The following DPP6 variants were observed in gnomAD, a reference collection of about 807,000 sequenced individuals.
DPP6 encodes A-type potassium channel modulatory protein DPP6.
In DPP6, 69 loss-of-function variants were observed where a neutral mutation model predicts 122.6. That is an observed-to-expected ratio of 0.56 (90% CI 0.46 to 0.69). The LOEUF is 0.69. DPP6 is among the 30% of genes least tolerant of loss of function. The probability of loss-of-function intolerance (pLI) is 0.00; values close to 1 mark genes in which losing one functional copy is unlikely to be tolerated. For synonymous variants in DPP6, 418 were observed against 433.1 expected, an observed-to-expected ratio of 0.97 and a Z score of 0.43; for missense variants, 928 against 1,116.9, an observed-to-expected ratio of 0.83 and a Z score of 2.41.
chr7:153,871,245 A>G, the DPP6 span, among the ~76,000 whole-genome samples: 1 of 152,204 alleles, frequency 6.6e-6, no homozygotes, highest in Non-Finnish European at 1.5e-5. Flanking sequence ...CCCTGCCCCC[A>G]GAGGTGGAGC....
chr7:154,834,407 C>G (rs919106858), intron 16 of DPP6, among the ~76,000 whole-genome samples: 10 of 151,862 alleles, frequency 6.6e-5, no homozygotes, highest in Non-Finnish European at 1.5e-4. Flanking sequence ...ACCCAGGAGG[C>G]GGAGGTTGCA....
At position 154,529,216 on chromosome 7, in the gene DPP6, G is replaced by C. The variant is rs115931411; in HGVS notation, c.458-11316G>C. ...AGGCTTCAAGAGGAAGAATGGGCAA[G>C]TCAGGAAATAATCCAGAGAGGGGAT... is the stretch of plus-strand genomic sequence containing the variant. On this transcript the variant is annotated intron_variant, in intron 3 of 25. Coordinates refer to ENST00000377770, the MANE Select transcript of DPP6 (RefSeq NM_130797.4). Among the ~76,000 whole-genome samples, 849 of 152,292 alleles carry C rather than the reference G, an allele frequency of 5.6e-3. 8 individuals carry two copies. Among genetic ancestry groups the C allele is most frequent in the African/African-American group, 0.019 (796 of 41,566 alleles).
chr7:154,872,484 C>A (rs960828706), intron 18 of DPP6, 140 bp from the exon 19 acceptor site: 16 of 1,359,666 alleles, frequency 1.2e-5, no homozygotes, highest in South Asian at 4.5e-5. Context: ...AGGATGAAAA[C>A]CCTGGGCCAG....
In DPP6 at chr7:154,100,865, C is replaced by T. The variant is rs1380551426; in HGVS notation, c.243+47802C>T. 1.4e-5 allele frequency among the ~76,000 whole-genome samples: 2 copies of T among 142,288 alleles called. 1 individual carries two copies. The highest frequency in any genetic ancestry group is 3.1e-5 in the Non-Finnish European group (2 of 64,224). The allele number at this position is 142,288 out of a possible 152,430, so 93.3% of individuals were successfully genotyped here. The stretch of plus-strand genomic sequence containing the variant: ...TTCCCTTCTGTCTGCACTTGCTGAT[C>T]AACAAAAAGCCTGCTGGGCCTTTAA... On this transcript the variant is annotated intron_variant, in intron 1 of 25. Transcript: ENST00000377770.
At chr7:154,391,112 C>A (rs1814576728) in intron 1 of DPP6, among the ~76,000 whole-genome samples, 1 of 152,184 alleles carries the variant, frequency 6.6e-6, no homozygotes, top group African/African-American at 2.4e-5. Flanking sequence ...CTGGAAATAT[C>A]ACAGATTACC....
intron 5 of DPP6, among the ~76,000 whole-genome samples, chr7:154,632,923 A>G (rs772590912): frequency 4.6e-5 from 7 of 152,246 alleles, no homozygotes; most frequent in Non-Finnish European, 1.0e-4. Context: ...CAAATCCTCA[A>G]CTGCTTTCTA....
the DPP6 span, among the ~76,000 whole-genome samples, chr7:153,847,660 G>C: frequency 1.5e-3 from 233 of 152,276 alleles, no homozygotes; most frequent in African/African-American, 4.9e-3. Flanking sequence ...AATTTTAGCA[G>C]ACACTCCAAA....
At chr7:154,543,399 T>G (rs1828887733) in intron 4 of DPP6, among the ~76,000 whole-genome samples, 1 of 152,182 alleles carries the variant, frequency 6.6e-6, no homozygotes, top group African/African-American at 2.4e-5. Flanking sequence ...AAAGCCTGTT[T>G]GCCTCCAGCT....
At chr7:153,908,372 C>T (rs914246568) in intron 1 of DPP6, among the ~76,000 whole-genome samples, 1 of 152,048 alleles carries the variant, frequency 6.6e-6, no homozygotes, top group Non-Finnish European at 1.5e-5. Context: ...CAGACCACAG[C>T]TGGATAGGAA....
intron 1 of DPP6, among the ~76,000 whole-genome samples, chr7:154,294,151 T>A (rs1188919809): frequency 1.3e-5 from 2 of 152,208 alleles, no homozygotes; most frequent in African/African-American, 4.8e-5. Flanking sequence ...ACCTGGTCCC[T>A]GCCACGGAGA....
intron 1 of DPP6, among the ~76,000 whole-genome samples, chr7:154,166,100 C>T (rs538474703): frequency 1.3e-5 from 2 of 152,228 alleles, no homozygotes; most frequent in Non-Finnish European, 2.9e-5. Flanking sequence ...TGCTTCCTCA[C>T]TGGGATGTGG....
At chr7:154,709,593 T>TTC (rs1056231208) in intron 7 of DPP6, among the ~76,000 whole-genome samples, 1 of 151,592 alleles carries the variant, frequency 6.6e-6, no homozygotes, top group Non-Finnish European at 1.5e-5. Flanking sequence ...TTTCTTTTTT[T>TTC]TTTTTTTCAA....
chr7:154,852,473 G>GCCTCTCCT, intron 16 of DPP6, among the ~76,000 whole-genome samples: 1 of 150,152 alleles, frequency 6.7e-6, no homozygotes, highest in South Asian at 2.1e-4. Context: ...AGGCTCTCCT[G>GCCTCTCCT]GCTCTCCTGC....
At chr7:154,884,810 T>C (rs1257593390) in intron 21 of DPP6, 1 of 152,090 alleles carries the variant, frequency 6.6e-6, no homozygotes, top group African/African-American at 2.4e-5. Context: ...CTCACATGTA[T>C]AGGCACACAC....
At chr7:154,812,543 C>A (rs938616452) in intron 16 of DPP6, among the ~76,000 whole-genome samples, 1 of 152,088 alleles carries the variant, frequency 6.6e-6, no homozygotes, top group African/African-American at 2.4e-5. Flanking sequence ...CTCCTTGTAT[C>A]CTCATGTGGT....
At position 154,618,834 on chromosome 7, in the gene DPP6, T is replaced by C. The variant is rs1181925364; in HGVS notation, c.628-18987T>C. 6.6e-6 allele frequency among the ~76,000 whole-genome samples: 1 copy of C among 152,212 alleles called. No homozygotes were observed. The highest frequency in any genetic ancestry group is 1.5e-5 in the Non-Finnish European group (1 of 68,048). On this transcript the variant is annotated intron_variant, in intron 5 of 25. Coordinates refer to ENST00000377770, the MANE Select transcript of DPP6 (RefSeq NM_130797.4). The surrounding 1 kb of genome is among the most constrained non-coding windows in gnomAD (Gnocchi z 4.1). Reference sequence around the variant, plus strand: ...TGAGATGCAGAGTATGTTTGTGACTTGCCCAGAGTTACACACTGATATGGT... The same window carrying C: ...TGAGATGCAGAGTATGTTTGTGACTCGCCCAGAGTTACACACTGATATGGT...
chr7:154,719,624 T>C (rs1198095552), intron 7 of DPP6, among the ~76,000 whole-genome samples: 1 of 152,066 alleles, frequency 6.6e-6, no homozygotes, highest in African/African-American at 2.4e-5. Context: ...ACTGAATATT[T>C]GTAAAGAGTC....
At chr7:153,796,377 A>G in the DPP6 span, among the ~76,000 whole-genome samples, 3 of 142,832 alleles carry the variant, frequency 2.1e-5, no homozygotes, top group African/African-American at 7.9e-5. Flanking sequence ...CCCTGGTAAT[A>G]GTATATGCTC....
At chr7:154,228,815 C>T (rs756596436) in intron 1 of DPP6, among the ~76,000 whole-genome samples, 1 of 152,108 alleles carries the variant, frequency 6.6e-6, no homozygotes, top group Non-Finnish European at 1.5e-5. Flanking sequence ...TAGTCCATCC[C>T]TAAAGAACTG....
Sources: gnomAD v4.1 joint callset for allele counts (sites outside exome capture counted in the v4.1 genomes callset) on GRCh38, gnomAD v4.1.1 for gene constraint, Gnocchi (gnomAD v3.1) non-coding constraint, MANE v1.5 for transcripts, NCBI Gene and HGNC (gene_info 2026-07-23, HGNC 2026-07-21) for gene names.